The following MMP26 variants were observed in gnomAD, a reference collection of about 807,000 sequenced individuals.
MMP26 encodes the protein matrix metallopeptidase 26, also known as matrix metalloproteinase-26.
Under a neutral mutation model 31.0 loss-of-function variants are expected in MMP26, and 33 were observed. The observed-to-expected ratio is 1.06, with a 90% CI of 0.81 to 1.42. MMP26 has a LOEUF of 1.42. Among genes scored for constraint, MMP26 ranks in the 40% most tolerant of loss-of-function variants. The probability of loss-of-function intolerance (pLI) is 0.00; values close to 1 mark genes in which losing one functional copy is unlikely to be tolerated. For missense variants in MMP26, 347 were observed against 316.1 expected (o/e 1.10, Z -0.74); for synonymous variants, 122 against 114.9 (o/e 1.06, Z -0.40).
intron 1 of MMP26, among the ~76,000 whole-genome samples, chr11:4,744,834 T>C (rs543403450): frequency 6.6e-6 from 1 of 152,252 alleles, no homozygotes; most frequent in South Asian, 2.1e-4. Flanking sequence ...TACATATACA[T>C]TGTGAAATGA....
chr11:4,980,550 T>C (rs777051628), intron 2 of MMP26, among the ~76,000 whole-genome samples: 1 of 151,858 alleles, frequency 6.6e-6, no homozygotes, highest in Non-Finnish European at 1.5e-5. Flanking sequence ...TAAGACAAGA[T>C]AATGCAAAAG....
At chr11:4,800,332 A>G (rs1160463917) in intron 2 of MMP26, among the ~76,000 whole-genome samples, 1 of 152,182 alleles carries the variant, frequency 6.6e-6, no homozygotes, top group African/African-American at 2.4e-5. Context: ...GAAGCTGCCA[A>G]GAGTTACAGC....
intron 1 of MMP26, among the ~76,000 whole-genome samples, chr11:4,706,055 C>T (rs1460892739): frequency 1.3e-5 from 2 of 152,020 alleles, no homozygotes; most frequent in Middle Eastern, 3.2e-3. Flanking sequence ...AATCCTATTA[C>T]GTTTCCCTTT....
chr11:4,863,134 T>C (rs1850187225), intron 2 of MMP26, among the ~76,000 whole-genome samples: 1 of 152,186 alleles, frequency 6.6e-6, no homozygotes, highest in Non-Finnish European at 1.5e-5. Context: ...GAAGCCCTGT[T>C]CTTCCATGCA....
intron 1 of MMP26, among the ~76,000 whole-genome samples, chr11:4,737,749 C>G (rs921843645): frequency 5.3e-5 from 8 of 152,130 alleles, no homozygotes; most frequent in African/African-American, 1.4e-4. Flanking sequence ...TTTGTACTGT[C>G]CACACAAAGA....
chr11:4,804,961 C>T (rs1188738144), intron 2 of MMP26, among the ~76,000 whole-genome samples: 1 of 137,154 alleles, frequency 7.3e-6, no homozygotes, highest in Non-Finnish European at 1.6e-5. Context: ...CAGAGCGAAA[C>T]CGCCTCAAAA....
intron 2 of MMP26, chr11:4,848,735 A>G (rs771873712): frequency 6.2e-7 from 1 of 1,614,034 alleles, no homozygotes; most frequent in South Asian, 1.1e-5. Flanking sequence ...CCAGGCATCG[A>G]AAAGAAATGG....
At chr11:4,905,096 A>T (rs1286030797) in intron 2 of MMP26, among the ~76,000 whole-genome samples, 3 of 152,206 alleles carry the variant, frequency 2.0e-5, no homozygotes, top group Non-Finnish European at 4.4e-5. Context: ...ATAAGAGTTA[A>T]GTGCATTCAG....
intron 2 of MMP26, among the ~76,000 whole-genome samples, chr11:4,956,023 T>G (rs1028783155): frequency 2.0e-5 from 3 of 152,208 alleles, no homozygotes; most frequent in Admixed American, 1.3e-4. Context: ...CTGATTTTAT[T>G]TTTCCTGTAA....
intron 2 of MMP26, among the ~76,000 whole-genome samples, chr11:4,956,210 G>A (rs1846440868): frequency 6.6e-6 from 1 of 152,114 alleles, no homozygotes; most frequent in African/African-American, 2.4e-5. Flanking sequence ...GGGCATTTTT[G>A]ATAAAAGCTA....
At chr11:4,981,300 A>G (rs1427743158) in intron 2 of MMP26, among the ~76,000 whole-genome samples, 2 of 152,122 alleles carry the variant, frequency 1.3e-5, no homozygotes, top group Non-Finnish European at 2.9e-5. Flanking sequence ...TGAGAAATGC[A>G]TTGTCATGAG....
chr11:4,732,707 A>G (rs1236534956), intron 1 of MMP26, among the ~76,000 whole-genome samples: 1 of 152,174 alleles, frequency 6.6e-6, no homozygotes, highest in Non-Finnish European at 1.5e-5. Flanking sequence ...TATAAATTGA[A>G]TCATACAATA....
chr11:4,885,998 A>G (rs770127351), intron 2 of MMP26, among the ~76,000 whole-genome samples: 2 of 152,054 alleles, frequency 1.3e-5, no homozygotes, highest in Non-Finnish European at 2.9e-5. Flanking sequence ...TTATGTAACA[A>G]CCAACACAGG....
chr11:4,743,638 G>T (rs914808970), intron 1 of MMP26, among the ~76,000 whole-genome samples: 1 of 152,122 alleles, frequency 6.6e-6, no homozygotes, highest in African/African-American at 2.4e-5. Flanking sequence ...CCCTATTAAT[G>T]ATAAATCACT....
chr11:4,801,562 G>A (rs1443577356), intron 2 of MMP26, among the ~76,000 whole-genome samples: 1 of 148,440 alleles, frequency 6.7e-6, no homozygotes, highest in African/African-American at 2.5e-5. Context: ...ATTTATTTGA[G>A]ATGGAGTTTC....
At chr11:4,816,864 C>T (rs562679159) in intron 2 of MMP26, among the ~76,000 whole-genome samples, 12 of 109,162 alleles carry the variant, frequency 1.1e-4, no homozygotes, top group Non-Finnish European at 1.8e-4. Context: ...CCACCACGCC[C>T]GGCTAATTTT....
intron 2 of MMP26, among the ~76,000 whole-genome samples, chr11:4,975,852 A>G (rs920580151): frequency 1.3e-5 from 2 of 152,070 alleles, no homozygotes; most frequent in Non-Finnish European, 2.9e-5. Context: ...TTTGACATAC[A>G]GTAACTGCTT....
intron 2 of MMP26, among the ~76,000 whole-genome samples, chr11:4,846,406 G>T (rs1388613626): frequency 6.6e-6 from 1 of 152,136 alleles, no homozygotes; most frequent in African/African-American, 2.4e-5. Context: ...GGCTGGGAAG[G>T]GTAGTGGGAA....
At chr11:4,726,321 G>A (rs1297691553) in intron 1 of MMP26, among the ~76,000 whole-genome samples, 2 of 151,928 alleles carry the variant, frequency 1.3e-5, no homozygotes, top group South Asian at 2.1e-4. Context: ...AAATTAGCCA[G>A]GTGTGGTGGC....
Sources: gnomAD v4.1 joint callset for allele counts (sites outside exome capture counted in the v4.1 genomes callset) on GRCh38, gnomAD v4.1.1 for gene constraint, MANE v1.5 for transcripts, NCBI Gene and HGNC (gene_info 2026-07-23, HGNC 2026-07-21) for gene names.